Variants in CCDC73 observed in about 807,000 individuals in gnomAD.
CCDC73 encodes the protein coiled-coil domain containing 73, also known as coiled-coil domain-containing protein 73.
CCDC73 carries 95 observed loss-of-function variants against 116.5 expected under a neutral mutation model. The ratio of observed to expected loss-of-function variants is 0.82; its 90% confidence interval spans 0.69 to 0.97. The LOEUF (loss-of-function observed/expected upper bound fraction) is 0.97, where lower values mean the gene tolerates loss of function less well. Ranked by LOEUF, CCDC73 falls within the 50% of genes least tolerant of loss-of-function variation. The pLI, the probability that CCDC73 is intolerant of heterozygous loss-of-function variation, is 0.00. For synonymous variants in CCDC73, 398 were observed against 401.3 expected, an observed-to-expected ratio of 0.99 and a Z score of 0.10; for missense variants, 1,066 against 1,206.8, an observed-to-expected ratio of 0.88 and a Z score of 1.73.
chr11:32,737,661 T>C (rs903043839), intron 2 of CCDC73, among the ~76,000 whole-genome samples: 5 of 151,664 alleles, frequency 3.3e-5, no homozygotes, highest in Non-Finnish European at 7.4e-5. Flanking sequence ...AGGGCATCCA[T>C]CACCTCAAGC....
Position 32,760,207 on chromosome 11 carries a change from A to C in CCDC73, c.37T>G (p.Phe13Val), listed in dbSNP as rs1329622746. ...GTCTCTGAAGAACTTTGAAGAGTAAAAGTAGATGATGACTCAGTATTGAAG... is the reference window on the plus strand; with the variant it reads ...GTCTCTGAAGAACTTTGAAGAGTAACAGTAGATGATGACTCAGTATTGAAG... ...SNFNTESSSTFTLQSSSETLF... is the reference protein window; with the variant it reads ...SNFNTESSSTVTLQSSSETLF... Residue 13 changes from phenylalanine (F) to valine (V), a missense_variant, in exon 2 of 18, where the codon TTT (phenylalanine) becomes GTT (valine). Transcript: ENST00000335185. 6.3e-7 allele frequency: 1 copy of C among 1,587,908 alleles called. No homozygotes were observed. Among genetic ancestry groups the C allele is most frequent in the Admixed American group, 1.8e-5 (1 of 57,004 alleles).
rs760231218 is a variant in CCDC73, at chr11:32,683,512, A to T, written c.429+24T>A. 9.6e-6 allele frequency: 14 copies of T among 1,462,864 alleles called. No individual in the cohort carries two copies. The East Asian group carries it at 2.9e-4, about 31-fold the overall frequency. 90.6% of individuals were successfully genotyped at this position (1,462,864 alleles called of 1,614,324 possible). ...CCTAAGTACTAATCCAGATGGGGGA[A>T]AATATGTTTTGTAATTTCCTTACCA... On this transcript the variant is annotated intron_variant, in intron 7 of 17. Coordinates refer to ENST00000335185, the MANE Select transcript of CCDC73 (RefSeq NM_001008391.4).
intron 2 of CCDC73, among the ~76,000 whole-genome samples, chr11:32,731,956 T>C (rs995178261): frequency 2.6e-5 from 4 of 152,066 alleles, no homozygotes; most frequent in Admixed American, 6.6e-5. Context: ...AGATCAGTAA[T>C]AACAAACTTC....
At chr11:32,789,877 C>T (rs934586061) in intron 1 of CCDC73, among the ~76,000 whole-genome samples, 1 of 152,006 alleles carries the variant, frequency 6.6e-6, no homozygotes, top group Non-Finnish European at 1.5e-5. Context: ...AGATGGACAC[C>T]CAGCATGAGA....
chr11:32,718,679 G>T (rs1287511752), intron 2 of CCDC73, among the ~76,000 whole-genome samples: 1 of 152,028 alleles, frequency 6.6e-6, no homozygotes, highest in Non-Finnish European at 1.5e-5. Context: ...CAGAGGGGAG[G>T]GCAACAGAAA....
chr11:32,823,749 T>A, the CCDC73 span, among the ~76,000 whole-genome samples: 22 of 149,994 alleles, frequency 1.5e-4, no homozygotes, highest in South Asian at 4.2e-4. Context: ...AAAAAAAAAA[T>A]TTTTTTTTTA....
intron 1 of CCDC73, among the ~76,000 whole-genome samples, chr11:32,785,462 C>T (rs933083445): frequency 2.6e-5 from 4 of 152,048 alleles, no homozygotes; most frequent in African/African-American, 9.7e-5. Flanking sequence ...AATGCAGTGG[C>T]GTGATCACAG....
rs1005564903 is a variant in CCDC73, at chr11:32,666,602, G to A, written c.645+8963C>T. On this transcript the variant is annotated intron_variant, in intron 9 of 17. Coordinates refer to ENST00000335185, the MANE Select transcript of CCDC73 (RefSeq NM_001008391.4). ...TTTTTAGCTTCTTTGCGATGGGTTC[G>A]ACCTTCCTCCTTTAGCTCGGAGAAG... 5.9e-5 allele frequency among the ~76,000 whole-genome samples: 9 copies of A among 152,226 alleles called. No homozygotes were observed. In the East Asian group the frequency reaches 7.7e-4, roughly 13 times the overall value.
At chr11:32,691,390 A>G (rs1223623704) in intron 6 of CCDC73, among the ~76,000 whole-genome samples, 1 of 152,066 alleles carries the variant, frequency 6.6e-6, no homozygotes, top group Non-Finnish European at 1.5e-5. Flanking sequence ...TGCCTTTCCC[A>G]GAATGTCATA....
intron 4 of CCDC73, 51 bp from the exon 5 acceptor site, chr11:32,700,877 T>C (rs1328340356): frequency 6.1e-6 from 5 of 816,562 alleles, no homozygotes; most frequent in Non-Finnish European, 7.4e-6. Context: ...TTAACAGTGA[T>C]CTATACTGGT....
At chr11:32,648,057 C>T (rs1240445535) in intron 12 of CCDC73, among the ~76,000 whole-genome samples, 1 of 152,170 alleles carries the variant, frequency 6.6e-6, no homozygotes, top group Non-Finnish European at 1.5e-5. Flanking sequence ...CTCCAATCTT[C>T]TGCAAAGTAG....
chr11:32,751,387 C>T (rs1449854745), intron 2 of CCDC73, among the ~76,000 whole-genome samples: 2 of 152,104 alleles, frequency 1.3e-5, no homozygotes, highest in Non-Finnish European at 2.9e-5. Context: ...GCTCTGAGAC[C>T]AGTACAGCAC....
intron 13 of CCDC73, 139 bp downstream of exon 13, chr11:32,641,833 G>T: frequency 1.6e-6 from 1 of 627,702 alleles, no homozygotes; most frequent in Non-Finnish European, 2.3e-6. Flanking sequence ...TCACCTTTTT[G>T]GAAATATGAG....
At chr11:32,808,790 T>G in the CCDC73 span, among the ~76,000 whole-genome samples, 1 of 152,366 alleles carries the variant, frequency 6.6e-6, no homozygotes, top group East Asian at 1.9e-4. Flanking sequence ...TCCATAATTA[T>G]GAAATAATAT....
chr11:32,773,614 TCA>T (rs1156407410), intron 1 of CCDC73, among the ~76,000 whole-genome samples: 1 of 151,576 alleles, frequency 6.6e-6, no homozygotes, highest in Non-Finnish European at 1.5e-5. Flanking sequence ...ACCCCCATCT[TCA>T]CAAACACACA....
At chr11:32,693,671 A>G (rs1351526295) in intron 6 of CCDC73, among the ~76,000 whole-genome samples, 1 of 152,204 alleles carries the variant, frequency 6.6e-6, no homozygotes, top group Non-Finnish European at 1.5e-5. Flanking sequence ...CCTCAATAAA[A>G]TACTGGCAAA....
intron 2 of CCDC73, among the ~76,000 whole-genome samples, chr11:32,757,938 C>T (rs758045427): frequency 2.0e-5 from 3 of 152,152 alleles, no homozygotes; most frequent in Non-Finnish European, 4.4e-5. Context: ...GAAATTAGGA[C>T]ATGGACATGC....
chr11:32,639,120 C>A (rs895363018), intron 13 of CCDC73, among the ~76,000 whole-genome samples: 1 of 151,470 alleles, frequency 6.6e-6, no homozygotes. Context: ...TGTACTCCAG[C>A]CTGGGCAACA....
At chr11:32,775,117 G>A (rs1850522369) in intron 1 of CCDC73, among the ~76,000 whole-genome samples, 2 of 152,148 alleles carry the variant, frequency 1.3e-5, no homozygotes. Flanking sequence ...TCTACCAGAT[G>A]GTGCATCAAA....
Sources: allele counts gnomAD v4.1 joint callset (sites outside exome capture counted in the v4.1 genomes callset), GRCh38; gene constraint gnomAD v4.1.1; transcripts MANE v1.5; gene names NCBI Gene and HGNC (gene_info 2026-07-23, HGNC 2026-07-21).